The following IQCM variants were observed in gnomAD, a reference collection of about 807,000 sequenced individuals.
The protein encoded by IQCM is IQ motif containing M, also known as IQ domain-containing protein M.
In IQCM, 45 loss-of-function variants were observed where a neutral mutation model predicts 57.6. The observed-to-expected ratio is 0.78, with a 90% CI of 0.62 to 1.00. IQCM has a LOEUF of 1.00. Ranked by LOEUF, IQCM falls within the 50% of genes least tolerant of loss-of-function variation. IQCM has a pLI of 0.00. For missense variants in IQCM, 468 were observed against 511.6 expected, an observed-to-expected ratio of 0.91 and a Z score of 0.82; for synonymous variants, 148 against 158.9, an observed-to-expected ratio of 0.93 and a Z score of 0.51.
At chr4:149,632,336 G>A (rs548709654) in intron 7 of IQCM, among the ~76,000 whole-genome samples, 4 of 152,278 alleles carry the variant, frequency 2.6e-5, no homozygotes, top group Admixed American at 6.5e-5. Flanking sequence ...CCTACAAAAC[G>A]TATGGTCATA....
chr4:149,761,823 A>G (rs1580229030), intron 2 of IQCM, among the ~76,000 whole-genome samples: 1 of 152,114 alleles, frequency 6.6e-6, no homozygotes, highest in Non-Finnish European at 1.5e-5. Flanking sequence ...CCAAAACTAT[A>G]TTTAGCTACT....
chr4:149,572,463 T>C (rs1327207220), intron 9 of IQCM, among the ~76,000 whole-genome samples: 1 of 151,802 alleles, frequency 6.6e-6, no homozygotes, highest in African/African-American at 2.4e-5. Flanking sequence ...ATTTTTCTTT[T>C]AGTTTCCAGC....
At chr4:149,649,482 T>C (rs1042450941) in intron 7 of IQCM, among the ~76,000 whole-genome samples, 12 of 152,168 alleles carry the variant, frequency 7.9e-5, no homozygotes, top group Non-Finnish European at 1.8e-4. Context: ...AATTGATCTG[T>C]GGGGTTCCCC....
At chr4:149,746,991 C>A (rs1166979351) in intron 2 of IQCM, among the ~76,000 whole-genome samples, 2 of 152,190 alleles carry the variant, frequency 1.3e-5, no homozygotes, top group East Asian at 1.9e-4. Context: ...ACCTCCCTCC[C>A]AGCTTTTGTC....
rs564184302 is a variant in IQCM, at chr4:149,485,484, A to G, written c.1229-51927T>C. The stretch of plus-strand genomic sequence containing the variant: ...ACTAATTCCTTCTTCTGCTTGATCA[A>G]TTCTGCTACTAAGAGACTCTGATTC... On this transcript the variant is annotated intron_variant, in intron 12 of 13. Coordinates refer to ENST00000636793, the MANE Select transcript of IQCM (RefSeq NM_001363507.2). Among the ~76,000 whole-genome samples the G allele has an allele frequency of 4.0e-4, 60 of 151,698 alleles. No homozygotes were observed. In the South Asian group the frequency reaches 9.6e-3, roughly 24 times the overall value.
intron 7 of IQCM, among the ~76,000 whole-genome samples, chr4:149,664,327 C>CT (rs1352030567): frequency 2.0e-5 from 3 of 152,108 alleles, no homozygotes; most frequent in Admixed American, 6.6e-5. Context: ...TTACTATAGA[C>CT]TTATTTGTTG....
intron 13 of IQCM, among the ~76,000 whole-genome samples, chr4:149,365,031 T>C (rs1729738176): frequency 6.6e-6 from 1 of 152,256 alleles, no homozygotes; most frequent in Non-Finnish European, 1.5e-5. Flanking sequence ...CATAAATATA[T>C]TTCCTAATTC....
At chr4:149,586,760 T>A (rs1003312817) in intron 9 of IQCM, among the ~76,000 whole-genome samples, 2 of 151,766 alleles carry the variant, frequency 1.3e-5, no homozygotes. Flanking sequence ...TTGATTCTTT[T>A]GTATAGCTTT....
intron 13 of IQCM, among the ~76,000 whole-genome samples, chr4:149,409,398 G>A (rs974420520): frequency 6.6e-6 from 1 of 152,210 alleles, no homozygotes; most frequent in Non-Finnish European, 1.5e-5. Flanking sequence ...ATGGCTGCAC[G>A]CTGAGTCATA....
At chr4:149,370,904 T>C (rs1217479152) in intron 13 of IQCM, among the ~76,000 whole-genome samples, 1 of 116,624 alleles carries the variant, frequency 8.6e-6, no homozygotes, top group African/African-American at 2.9e-5. Flanking sequence ...ATAAATCAGA[T>C]AGATAAATCT....
chr4:149,716,313 C>A (rs1764992537), intron 5 of IQCM, among the ~76,000 whole-genome samples: 1 of 152,234 alleles, frequency 6.6e-6, no homozygotes. Context: ...TGAGCATGTG[C>A]ACACTTGGCT....
intron 8 of IQCM, among the ~76,000 whole-genome samples, chr4:149,602,587 T>C (rs1754412088): frequency 6.6e-6 from 1 of 152,146 alleles, no homozygotes; most frequent in Non-Finnish European, 1.5e-5. Context: ...TCTTAATTTC[T>C]TATTTTCTAT....
chr4:149,775,351 C>A (rs1003068939), intron 2 of IQCM, among the ~76,000 whole-genome samples: 1 of 150,630 alleles, frequency 6.6e-6, no homozygotes, highest in African/African-American at 2.4e-5. Context: ...TTAAGATTTA[C>A]AAAAGGGAAT....
intron 9 of IQCM, among the ~76,000 whole-genome samples, chr4:149,565,134 A>G (rs372943063): frequency 2.0e-5 from 3 of 152,222 alleles, no homozygotes; most frequent in South Asian, 4.2e-4. Context: ...TGAGATGCCC[A>G]GGTCAATTCA....
intron 12 of IQCM, among the ~76,000 whole-genome samples, chr4:149,533,218 T>C (rs1387988139): frequency 2.0e-5 from 3 of 152,158 alleles, no homozygotes; most frequent in Admixed American, 1.3e-4. Context: ...TTATTCTACA[T>C]GTGATAGGAA....
intron 12 of IQCM, among the ~76,000 whole-genome samples, chr4:149,509,688 G>T (rs1744202055): frequency 6.6e-6 from 1 of 152,014 alleles, no homozygotes; most frequent in Admixed American, 6.6e-5. Flanking sequence ...TTAGTGTAAG[G>T]TATCGAGACT....
At chr4:149,355,301 G>A (rs1039970959) in intron 13 of IQCM, among the ~76,000 whole-genome samples, 1 of 151,834 alleles carries the variant, frequency 6.6e-6, no homozygotes, top group African/African-American at 2.4e-5. Context: ...GTGCAGGTTT[G>A]TTACATATGT....
At chr4:149,406,108 T>G (rs2111152985) in intron 13 of IQCM, among the ~76,000 whole-genome samples, 1 of 152,006 alleles carries the variant, frequency 6.6e-6, no homozygotes, top group African/African-American at 2.4e-5. Context: ...CCAAGTTTGC[T>G]TCCTTGAAGA....
At chr4:149,811,054 TAAG>T (rs993158215) in intron 2 of IQCM, among the ~76,000 whole-genome samples, 3 of 152,172 alleles carry the variant, frequency 2.0e-5, no homozygotes, top group Non-Finnish European at 4.4e-5. Flanking sequence ...TACTGTTCTA[TAAG>T]AAGAACAAGC....
Sources: allele counts gnomAD v4.1 joint callset (sites outside exome capture counted in the v4.1 genomes callset), GRCh38; gene constraint gnomAD v4.1.1; transcripts MANE v1.5; gene names NCBI Gene and HGNC (gene_info 2026-07-23, HGNC 2026-07-21).